The following DDX6 variants were observed in gnomAD, a reference collection of about 807,000 sequenced individuals.
The protein encoded by DDX6 is DEAD-box helicase 6, also known as probable ATP-dependent RNA helicase DDX6.
In DDX6, 7 loss-of-function variants were observed where a neutral mutation model predicts 60.6. The observed-to-expected ratio is 0.12, with a 90% CI of 0.07 to 0.22. The LOEUF (loss-of-function observed/expected upper bound fraction) is 0.22, where lower values mean the gene tolerates loss of function less well. Among genes scored for constraint, DDX6 ranks in the 10% least tolerant of loss-of-function variants. The pLI, the probability that DDX6 is intolerant of heterozygous loss-of-function variation, is 1.00. For missense variants in DDX6, 270 were observed against 589.9 expected, an observed-to-expected ratio of 0.46 and a Z score of 5.62; for synonymous variants, 207 against 201.0, an observed-to-expected ratio of 1.03 and a Z score of -0.25.
intron 1 of DDX6, chr11:118,788,668 G>C (rs1262677209): frequency 2.6e-5 from 4 of 152,120 alleles, no homozygotes; most frequent in Non-Finnish European, 5.9e-5. Flanking sequence ...AAAGTGCTGG[G>C]ATTACAGACG....
At chr11:118,760,461 C>T (rs912814714) in intron 7 of DDX6, among the ~76,000 whole-genome samples, 1 of 152,118 alleles carries the variant, frequency 6.6e-6, no homozygotes. Context: ...TACCTCCATG[C>T]CCAGCTCCAC....
intron 13 of DDX6, among the ~76,000 whole-genome samples, chr11:118,754,121 C>T (rs558682382): frequency 1.2e-4 from 19 of 152,094 alleles, no homozygotes; most frequent in African/African-American, 4.6e-4. Flanking sequence ...AAAATCCCCC[C>T]TACAAAACTG....
intron 4 of DDX6, among the ~76,000 whole-genome samples, chr11:118,770,317 T>C (rs1861495140): frequency 1.3e-5 from 2 of 152,084 alleles, no homozygotes; most frequent in South Asian, 2.1e-4. Flanking sequence ...CATGAGCCAC[T>C]GTGTCTGGCC....
chr11:118,778,032 T>G (rs1297989992), intron 4 of DDX6, among the ~76,000 whole-genome samples: 1 of 150,096 alleles, frequency 6.7e-6, no homozygotes, highest in Non-Finnish European at 1.5e-5. Flanking sequence ...AAAAAAAAAT[T>G]GAAAAAAATT....
intron 5 of DDX6, 74 bp downstream of exon 5, chr11:118,768,147 AAG>A: frequency 7.4e-7 from 1 of 1,351,556 alleles, no homozygotes; most frequent in Non-Finnish European, 9.9e-7. Flanking sequence ...TGACTAAAAA[AAG>A]AGTATCTTCT....
chr11:118,781,068 C>A lies in DDX6; in HGVS notation c.264+53G>T, dbSNP rs377367974. ...CTCCAGATACCGAGGGACAGCTATA[C>A]CTCACTTCTAGTTCCCCACCATTAT... On this transcript the variant is annotated intron_variant, in intron 3 of 13. Coordinates refer to ENST00000534980, the MANE Select transcript of DDX6 (RefSeq NM_004397.6). 4.8e-4 allele frequency: 596 copies of A among 1,252,620 alleles called. 1 individual carries two copies. Among genetic ancestry groups the A allele is most frequent in the Middle Eastern group, 2.4e-3 (13 of 5,398 alleles). The allele number at this position is 1,252,620 out of a possible 1,614,324, so 77.6% of individuals were successfully genotyped here. A position where few individuals can be genotyped will look rare whatever the true frequency, so the allele number is the denominator to read the frequency against.
intron 4 of DDX6, among the ~76,000 whole-genome samples, chr11:118,776,233 G>A (rs1051892460): frequency 6.6e-6 from 1 of 152,114 alleles, no homozygotes; most frequent in Admixed American, 6.6e-5. Context: ...ACATTTTTGA[G>A]CATTTATCAC....
rs184513258 is a variant in DDX6 at position 118,759,766 on chromosome 11, G to A, written c.864+156C>T. On this transcript the variant is annotated intron_variant, in intron 8 of 13. Coordinates refer to ENST00000534980, the MANE Select transcript of DDX6 (RefSeq NM_004397.6). The stretch of plus-strand genomic sequence containing the variant: ...CTTCTTAAAAAGTCAGTTAATTTAC[G>A]TAAAACAAATCTTTAATTGATCAAC... Among the ~76,000 whole-genome samples, 19 of 152,184 alleles carry A rather than the reference G, an allele frequency of 1.2e-4. No individual in the cohort carries two copies. The East Asian group carries it at 3.1e-3, about 25-fold the overall frequency.
At chr11:118,781,789 A>G (rs1475120384) in intron 2 of DDX6, among the ~76,000 whole-genome samples, 1 of 151,970 alleles carries the variant, frequency 6.6e-6, no homozygotes, top group Non-Finnish European at 1.5e-5. Context: ...TTAGCCAGGC[A>G]TGGTGGGACA....
chr11:118,760,255 AT>A (rs1555159884), intron 7 of DDX6, among the ~76,000 whole-genome samples: 2 of 152,270 alleles, frequency 1.3e-5, no homozygotes, highest in Middle Eastern at 3.4e-3. Context: ...GAAAAAAAAA[AT>A]TCTACACTAC....
chr11:118,782,713 G>A (rs191760391), intron 2 of DDX6, among the ~76,000 whole-genome samples: 2 of 150,318 alleles, frequency 1.3e-5, no homozygotes, highest in Admixed American at 6.6e-5. Context: ...GCATGATCTC[G>A]GCTTACTGCA....
chr11:118,773,267 G>GA (rs1163198109), intron 4 of DDX6, among the ~76,000 whole-genome samples: 6 of 151,964 alleles, frequency 3.9e-5, no homozygotes, highest in South Asian at 4.1e-4. Context: ...TTCCAAGAGG[G>GA]AAAAAAAACC....
At position 118,760,057 on chromosome 11, in the gene DDX6, GA is replaced by G; in HGVS notation, c.742-14del. ...GCAACTTATCTGCCTGCAGTAGAAAGAAAAGACAATTTTAAAAACAATAAAA... is the reference window on the plus strand; with the variant it reads ...GCAACTTATCTGCCTGCAGTAGAAAGAAAGACAATTTTAAAAACAATAAAA... On this transcript the variant is annotated splice_polypyrimidine_tract_variant and intron_variant, in intron 7 of 13. Coordinates refer to ENST00000534980, the MANE Select transcript of DDX6 (RefSeq NM_004397.6). The G allele has an allele frequency of 6.2e-7, 1 of 1,607,696 alleles. No individual in the cohort carries two copies. The highest frequency in any genetic ancestry group is 8.5e-7 in the Non-Finnish European group (1 of 1,178,178).
chr11:118,762,597 C>T (rs1250354812), intron 7 of DDX6, among the ~76,000 whole-genome samples: 1 of 152,078 alleles, frequency 6.6e-6, no homozygotes, highest in Non-Finnish European at 1.5e-5. Context: ...TGCTGATGCC[C>T]AGCATCATGG....
rs539954367 is a variant in DDX6 at position 118,767,994 on chromosome 11, A to T, written c.499+229T>A. On this transcript the variant is annotated intron_variant, in intron 5 of 13. Transcript: ENST00000534980. Reference sequence around the variant, plus strand: ...TTTCCTGTCTCACTGGAATGCTGTCACAAGTGTGTATCATATAAGAATACT... The same window carrying T: ...TTTCCTGTCTCACTGGAATGCTGTCTCAAGTGTGTATCATATAAGAATACT... 5 of 423,712 alleles carry T rather than the reference A, an allele frequency of 1.2e-5. No individual in the cohort carries two copies. The Admixed American group carries it at 1.6e-4, about 14-fold the overall frequency. 26.2% of individuals were successfully genotyped at this position (423,712 alleles called of 1,614,324 possible).
At position 118,754,690 on chromosome 11, in the gene DDX6, C is replaced by CT; in HGVS notation, c.*7+14dup. 6.3e-7 allele frequency: 1 copy of CT among 1,577,246 alleles called. No individual in the cohort carries two copies. Among genetic ancestry groups the CT allele is most frequent in the East Asian group, 2.3e-5 (1 of 44,036 alleles). ...CATTTAAAGGTTCCTCTTAGCTGTT[C>CT]TGTCAGGGACGTACATGCTTGTTAA... On this transcript the variant is annotated intron_variant, in intron 13 of 13. Coordinates refer to ENST00000534980, the MANE Select transcript of DDX6 (RefSeq NM_004397.6).
At chr11:118,781,911 G>C (rs1247916777) in intron 2 of DDX6, among the ~76,000 whole-genome samples, 2 of 150,904 alleles carry the variant, frequency 1.3e-5, no homozygotes, top group Admixed American at 1.3e-4. Context: ...CTGAGTGACA[G>C]AGGGAGACTC....
At chr11:118,784,988 G>C (rs939637298) in intron 2 of DDX6, among the ~76,000 whole-genome samples, 1 of 152,122 alleles carries the variant, frequency 6.6e-6, no homozygotes, top group African/African-American at 2.4e-5. Context: ...GGCTGGTCTC[G>C]AACTCCCGAC....
chr11:118,785,052 G>A (rs1279509137), intron 2 of DDX6, among the ~76,000 whole-genome samples: 2 of 152,190 alleles, frequency 1.3e-5, no homozygotes, highest in Non-Finnish European at 2.9e-5. Context: ...ACAGGCGTGT[G>A]CCACTGCACC....
Sources: gnomAD v4.1 joint callset for allele counts (sites outside exome capture counted in the v4.1 genomes callset) on GRCh38, gnomAD v4.1.1 for gene constraint, MANE v1.5 for transcripts, NCBI Gene and HGNC (gene_info 2026-07-23, HGNC 2026-07-21) for gene names.